The following ERBB4 variants were observed in gnomAD, a reference collection of about 807,000 sequenced individuals.
ERBB4 encodes receptor tyrosine-protein kinase erbB-4.
A neutral mutation model predicts 158.0 loss-of-function variants in ERBB4; 42 were observed. The ratio of observed to expected loss-of-function variants is 0.27; its 90% CI spans 0.21 to 0.34. The LOEUF (loss-of-function observed/expected upper bound fraction) is 0.34, where lower values mean the gene tolerates loss of function less well. Among genes scored for constraint, ERBB4 ranks in the 10% least tolerant of loss-of-function variants. ERBB4 has a pLI of 1.00. For synonymous variants in ERBB4, 583 were observed against 558.7 expected (o/e 1.04, Z -0.61); for missense variants, 1,333 against 1,624.1 (o/e 0.82, Z 3.08).
rs778916600 is a variant in ERBB4 at position 211,722,400 on chromosome 2, T to C, written c.876A>G (p.Lys292=). The C allele has an allele frequency of 1.9e-6, 3 of 1,613,248 alleles. No homozygotes were observed. Among genetic ancestry groups the C allele is most frequent in the South Asian group, 2.2e-5 (2 of 91,068 alleles). Residue 292 remains lysine (K), a synonymous_variant, in exon 7 of 28, where the codon AAA becomes AAG. Transcript: ENST00000342788. ...TCTTATTCTGTTACTTACGTGGACATTTCTTGACACAGAATGCTCCATATG... is the reference window on the plus strand; with the variant it reads ...TCTTATTCTGTTACTTACGTGGACACTTCTTGACACAGAATGCTCCATATG... The part of the protein sequence containing the change: ...KYTYGAFCVK[K]CPHNFVVDSS...
At chr2:212,231,040 G>C (rs898867303) in intron 1 of ERBB4, among the ~76,000 whole-genome samples, 14 of 152,136 alleles carry the variant, frequency 9.2e-5, no homozygotes, top group African/African-American at 3.4e-4. Context: ...TCGAAATACA[G>C]TTAGAGTATA....
At chr2:211,980,816 A>C (rs1181124498) in intron 2 of ERBB4, among the ~76,000 whole-genome samples, 1 of 152,170 alleles carries the variant, frequency 6.6e-6, no homozygotes, top group Non-Finnish European at 1.5e-5. Flanking sequence ...CAGTTAGGTC[A>C]AAGTTCATAA....
At chr2:212,513,920 T>G (rs1691675231) in intron 1 of ERBB4, among the ~76,000 whole-genome samples, 1 of 152,220 alleles carries the variant, frequency 6.6e-6, no homozygotes. Flanking sequence ...GACTCTAAAG[T>G]GTATGTTTTA....
intron 3 of ERBB4, among the ~76,000 whole-genome samples, chr2:211,899,555 C>G (rs1222527774): frequency 6.6e-6 from 1 of 152,024 alleles, no homozygotes; most frequent in African/African-American, 2.4e-5. Flanking sequence ...ACTTTCTTGT[C>G]AAGCAGACCT....
In ERBB4 at chr2:211,968,504, C is replaced by T. The variant is rs1419097140; in HGVS notation, c.235-20888G>A. ...ATGAAATACATAAAACAGAGATTGT[C>T]TCAGACTACTTCACCCTATCAGTTT... On this transcript the variant is annotated intron_variant, in intron 2 of 27. Transcript: ENST00000342788. Among the ~76,000 whole-genome samples, 7 of 152,134 alleles carry T rather than the reference C, an allele frequency of 4.6e-5. No homozygotes were observed. In the East Asian group the frequency reaches 1.3e-3, roughly 29 times the overall value.
At chr2:212,394,794 G>GA (rs2090976759) in intron 1 of ERBB4, among the ~76,000 whole-genome samples, 1 of 151,990 alleles carries the variant, frequency 6.6e-6, no homozygotes, top group Non-Finnish European at 1.5e-5. Flanking sequence ...AAACTGAATT[G>GA]AAAAAATATT....
At chr2:211,978,537 C>T (rs1195368834) in intron 2 of ERBB4, among the ~76,000 whole-genome samples, 3 of 152,130 alleles carry the variant, frequency 2.0e-5, no homozygotes, top group Non-Finnish European at 4.4e-5. Flanking sequence ...ATCCTCCCAA[C>T]CTTAGTCTCC....
At chr2:211,497,827 C>T (rs543995027) in intron 20 of ERBB4, among the ~76,000 whole-genome samples, 151 of 152,170 alleles carry the variant, frequency 9.9e-4, no homozygotes, top group Non-Finnish European at 1.6e-3. Flanking sequence ...ATGTCTGGGT[C>T]TGAAAGGCAG....
intron 2 of ERBB4, among the ~76,000 whole-genome samples, chr2:211,988,461 T>C (rs1230964720): frequency 6.6e-6 from 1 of 152,150 alleles, no homozygotes; most frequent in Non-Finnish European, 1.5e-5. Context: ...TAGTAAAGAA[T>C]ACTTACTGAT....
At chr2:212,527,430 C>T (rs1010181215) in intron 1 of ERBB4, among the ~76,000 whole-genome samples, 2 of 152,040 alleles carry the variant, frequency 1.3e-5, no homozygotes, top group Non-Finnish European at 2.9e-5. Context: ...ATAATGGACA[C>T]TAACTACATG....
At chr2:211,972,569 A>C (rs1000511877) in intron 2 of ERBB4, among the ~76,000 whole-genome samples, 2 of 152,128 alleles carry the variant, frequency 1.3e-5, no homozygotes, top group South Asian at 4.1e-4. Context: ...AGACAAATAG[A>C]GAACAGAATA....
At chr2:211,869,193 A>G (rs1284107487) in intron 3 of ERBB4, among the ~76,000 whole-genome samples, 1 of 152,192 alleles carries the variant, frequency 6.6e-6, no homozygotes, top group Non-Finnish European at 1.5e-5. Context: ...GATACACAGC[A>G]CAGCATAATG....
chr2:212,267,091 GCA>G (rs1173886983), intron 1 of ERBB4, among the ~76,000 whole-genome samples: 2 of 151,858 alleles, frequency 1.3e-5, no homozygotes, highest in Non-Finnish European at 2.9e-5. Flanking sequence ...TTACAGCTGT[GCA>G]CACAGAGTAT....
At chr2:211,802,455 T>C (rs2076522322) in intron 3 of ERBB4, among the ~76,000 whole-genome samples, 1 of 152,196 alleles carries the variant, frequency 6.6e-6, no homozygotes, top group African/African-American at 2.4e-5. Context: ...TCTATTCTCA[T>C]TTTACTTTGA....
intron 2 of ERBB4, among the ~76,000 whole-genome samples, chr2:212,090,151 A>G (rs1319381631): frequency 6.6e-6 from 1 of 152,196 alleles, no homozygotes; most frequent in African/African-American, 2.4e-5. Context: ...TCAGTCTAGA[A>G]GCTGTGGCAC....
At chr2:212,401,933 TA>T (rs1316748860) in intron 1 of ERBB4, among the ~76,000 whole-genome samples, 5 of 152,118 alleles carry the variant, frequency 3.3e-5, no homozygotes, top group Non-Finnish European at 7.4e-5. Flanking sequence ...ACTGGGAATA[TA>T]AAATAGCATG....
chr2:212,516,069 T>C (rs1193384058), intron 1 of ERBB4, among the ~76,000 whole-genome samples: 1 of 151,932 alleles, frequency 6.6e-6, no homozygotes, highest in Non-Finnish European at 1.5e-5. Flanking sequence ...ATAAAATAAG[T>C]ACAAAACCTG....
intron 17 of ERBB4, among the ~76,000 whole-genome samples, chr2:211,629,784 C>A (rs951049278): frequency 6.6e-6 from 1 of 151,876 alleles, no homozygotes; most frequent in African/African-American, 2.4e-5. Context: ...CTGACAAAAA[C>A]AAGAAATGGG....
chr2:211,691,602 G>A lies in ERBB4; in HGVS notation c.1489+10365C>T, dbSNP rs796139469. Among the ~76,000 whole-genome samples, 942 of 145,404 alleles carry A rather than the reference G, an allele frequency of 6.5e-3. 8 individuals carry two copies. Among genetic ancestry groups the A allele is most frequent in the African/African-American group, 0.022 (859 of 39,142 alleles). On this transcript the variant is annotated intron_variant, in intron 12 of 27. Transcript: ENST00000342788. ...TGTGTGTGTGTGTGTGTGTGTGTGT[G>A]TATATATATAACAGATTGCTGAGAG...
Sources: gnomAD v4.1 joint callset for allele counts (sites outside exome capture counted in the v4.1 genomes callset) on GRCh38, gnomAD v4.1.1 for gene constraint, MANE v1.5 for transcripts, NCBI Gene and HGNC (gene_info 2026-07-23, HGNC 2026-07-21) for gene names.